ARCN1: variants seen among roughly 807,000 people sequenced by gnomAD.
ARCN1 encodes the protein coatomer subunit delta.
ARCN1 carries 5 observed loss-of-function variants against 60.4 expected under a neutral mutation model. The ratio of observed to expected loss-of-function variants is 0.08; its 90% CI spans 0.04 to 0.17. ARCN1 has a LOEUF of 0.17. Among genes scored for constraint, ARCN1 ranks in the 10% least tolerant of loss-of-function variants. The pLI is 1.00. For missense variants in ARCN1, 464 were observed against 626.5 expected (o/e 0.74, Z 2.77); for synonymous variants, 224 against 220.0 (o/e 1.02, Z -0.16).
chr11:118,596,938 G>C (rs923912850), intron 8 of ARCN1, among the ~76,000 whole-genome samples: 1 of 152,154 alleles, frequency 6.6e-6, no homozygotes, highest in Non-Finnish European at 1.5e-5. Flanking sequence ...GGCCGGGTGC[G>C]GTGGCTCATG....
At chr11:118,600,425 A>G (rs1939123345) in intron 9 of ARCN1, among the ~76,000 whole-genome samples, 200 bp from the exon 10 acceptor site, 1 of 152,216 alleles carries the variant, frequency 6.6e-6, no homozygotes, top group Non-Finnish European at 1.5e-5. Flanking sequence ...TTCTCCATCT[A>G]GAAGAAAAGC....
intron 1 of ARCN1, among the ~76,000 whole-genome samples, chr11:118,580,769 C>T (rs1444511154): frequency 6.6e-6 from 1 of 152,102 alleles, no homozygotes; most frequent in Non-Finnish European, 1.5e-5. Context: ...GTAATCCACT[C>T]GCTTTGGCCT....
chr11:118,588,255 CTG>C (rs1938819257), intron 5 of ARCN1, among the ~76,000 whole-genome samples: 1 of 152,174 alleles, frequency 6.6e-6, no homozygotes, highest in South Asian at 2.1e-4. Flanking sequence ...CTTGGCCTCT[CTG>C]TGCAGCATTA....
intron 5 of ARCN1, among the ~76,000 whole-genome samples, chr11:118,585,185 A>G (rs1328497017): frequency 6.7e-6 from 1 of 148,308 alleles, no homozygotes; most frequent in Non-Finnish European, 1.5e-5. Flanking sequence ...CTGGCCTCCA[A>G]CTCCTGAGCT....
Position 118,600,785 on chromosome 11 carries a change from T to C in ARCN1, c.*71T>C. 8.8e-7 allele frequency: 1 copy of C among 1,132,872 alleles called. No individual in the cohort carries two copies. The highest frequency in any genetic ancestry group is 1.3e-6 in the Non-Finnish European group (1 of 779,476). 70.2% of individuals were successfully genotyped at this position (1,132,872 alleles called of 1,614,324 possible). On this transcript the variant is annotated 3_prime_UTR_variant, in exon 10 of 10. Coordinates refer to ENST00000264028, the MANE Select transcript of ARCN1 (RefSeq NM_001655.5). The stretch of plus-strand genomic sequence containing the variant: ...GAAGACGCCAATGATGGCTGAAGAG[T>C]TTTTCCCAGATTTACAAGCCACTGG...
intron 8 of ARCN1, among the ~76,000 whole-genome samples, chr11:118,595,850 G>A (rs916317378): frequency 6.6e-5 from 10 of 152,198 alleles, no homozygotes; most frequent in African/African-American, 1.9e-4. Flanking sequence ...GGCGGATCAC[G>A]AGGTCAGGAG....
chr11:118,578,802 G>A (rs1277052641), intron 1 of ARCN1, among the ~76,000 whole-genome samples: 5 of 149,670 alleles, frequency 3.3e-5, no homozygotes, highest in Non-Finnish European at 5.9e-5. Flanking sequence ...CAGCACTTTG[G>A]GAGGCTGAGG....
intron 1 of ARCN1, chr11:118,573,779 C>T (rs1427105693): frequency 4.9e-6 from 3 of 610,972 alleles, no homozygotes; most frequent in South Asian, 1.8e-5. Context: ...TTTTCTCAGC[C>T]TCAGGTATAT....
rs10671866 is a variant in ARCN1 at position 118,576,426 on chromosome 11, TAA to T, written c.3+3898_3+3899del. On this transcript the variant is annotated intron_variant, in intron 1 of 9. Transcript: ENST00000264028. ...TCTGGAATGTTTTTTCCAAAAATGT[TAA>T]AAAAAAAAAAAAAAAAAAAAACCAA... is the stretch of plus-strand genomic sequence containing the variant. 1.9e-3 allele frequency among the ~76,000 whole-genome samples: 212 copies of T among 108,772 alleles called. 2 individuals are homozygous for T. Among genetic ancestry groups the T allele is most frequent in the Non-Finnish European group, 2.5e-3 (144 of 56,938 alleles). 71.4% of individuals were successfully genotyped at this position (108,772 alleles called of 152,430 possible).
intron 5 of ARCN1, among the ~76,000 whole-genome samples, chr11:118,587,367 T>C (rs561564521): frequency 4.1e-4 from 63 of 152,322 alleles, no homozygotes; most frequent in African/African-American, 1.4e-3. Context: ...ATAAAAAACA[T>C]GTATACAGTG....
chr11:118,576,656 A>T (rs550400440), intron 1 of ARCN1, among the ~76,000 whole-genome samples: 1 of 152,196 alleles, frequency 6.6e-6, no homozygotes, highest in East Asian at 1.9e-4. Context: ...TATCATGTTT[A>T]GAGGTGACCA....
At chr11:118,591,875 T>C (rs1362729833) in intron 6 of ARCN1, among the ~76,000 whole-genome samples, 1 of 151,858 alleles carries the variant, frequency 6.6e-6, no homozygotes, top group African/African-American at 2.4e-5. Context: ...GCTGGAACTA[T>C]AGGTGTGCAC....
intron 1 of ARCN1, among the ~76,000 whole-genome samples, chr11:118,575,974 G>GTTTTTTT (rs150069695): frequency 7.0e-6 from 1 of 143,280 alleles, no homozygotes. Flanking sequence ...CACTGTAGTT[G>GTTTTTTT]TTTTTTTTTT....
chr11:118,580,161 G>A (rs1458688728), intron 1 of ARCN1, among the ~76,000 whole-genome samples: 13 of 152,012 alleles, frequency 8.6e-5, no homozygotes, highest in Non-Finnish European at 1.3e-4. Context: ...CACTTCTACC[G>A]AAAATACAAA....
In ARCN1 at chr11:118,581,520, T is replaced by G; in HGVS notation, c.267+11T>G. 6.2e-7 allele frequency: 1 copy of G among 1,600,706 alleles called. No individual in the cohort carries two copies. The highest frequency in any genetic ancestry group is 8.5e-7 in the Non-Finnish European group (1 of 1,173,126). Reference sequence around the variant, plus strand: ...CTCTTCTCAAGAGTGGTAAGAGTACTGCTATAATACTGGGTTCCACTTTTT... The same window carrying G: ...CTCTTCTCAAGAGTGGTAAGAGTACGGCTATAATACTGGGTTCCACTTTTT... On this transcript the variant is annotated intron_variant, in intron 2 of 9. Transcript: ENST00000264028.
At chr11:118,576,109 C>G (rs1938492792) in intron 1 of ARCN1, among the ~76,000 whole-genome samples, 1 of 151,842 alleles carries the variant, frequency 6.6e-6, no homozygotes, top group Non-Finnish European at 1.5e-5. Context: ...AGTGACTTAT[C>G]CAAGGTCACA....
chr11:118,575,491 C>G (rs1053063470), intron 1 of ARCN1, among the ~76,000 whole-genome samples: 1 of 150,876 alleles, frequency 6.6e-6, no homozygotes, highest in African/African-American at 2.4e-5. Context: ...GACTTAAAAC[C>G]CTCACTGAGT....
chr11:118,572,602 T>C (rs1555072654), intron 1 of ARCN1, 52 bp downstream of exon 1: 1 of 1,590,092 alleles, frequency 6.3e-7, no homozygotes, highest in East Asian at 2.3e-5. Flanking sequence ...TCACCGTCTC[T>C]CCTTGTCGGC....
At chr11:118,583,449 G>A (rs1374686595) in intron 3 of ARCN1, 91 bp downstream of exon 3, 3 of 1,393,278 alleles carry the variant, frequency 2.2e-6, no homozygotes, top group Non-Finnish European at 2.8e-6. Flanking sequence ...TACTAATGTA[G>A]ACTGTATTCA....
Sources: gnomAD v4.1 joint callset for allele counts (sites outside exome capture counted in the v4.1 genomes callset) on GRCh38, gnomAD v4.1.1 for gene constraint, MANE v1.5 for transcripts, NCBI Gene and HGNC (gene_info 2026-07-23, HGNC 2026-07-21) for gene names.